AKAP6: variants seen among roughly 807,000 people sequenced by gnomAD.
AKAP6 encodes the protein A-kinase anchoring protein 6.
Under a neutral mutation model 188.5 loss-of-function variants are expected in AKAP6, and 58 were observed. The observed-to-expected ratio is 0.31, with a 90% CI of 0.25 to 0.38. The LOEUF (loss-of-function observed/expected upper bound fraction) is 0.38, where lower values mean the gene tolerates loss of function less well. Among genes scored for constraint, AKAP6 ranks in the 10% least tolerant of loss-of-function variants. The pLI is 1.00. For missense variants in AKAP6, 2,710 were observed against 2,740.0 expected (o/e 0.99, Z 0.24); for synonymous variants, 989 against 998.6 (o/e 0.99, Z 0.18).
chr14:32,624,903 G>A (rs547953383), intron 7 of AKAP6, among the ~76,000 whole-genome samples: 1 of 151,976 alleles, frequency 6.6e-6, no homozygotes, highest in Non-Finnish European at 1.5e-5. Flanking sequence ...AAAACAAGTA[G>A]AATAATAAAC....
chr14:32,390,260 A>AT (rs771949872), intron 1 of AKAP6, among the ~76,000 whole-genome samples: 2 of 152,016 alleles, frequency 1.3e-5, no homozygotes, highest in African/African-American at 2.4e-5. Context: ...TTCTTGCAGC[A>AT]TTTTTTGGAT....
intron 1 of AKAP6, among the ~76,000 whole-genome samples, chr14:32,420,567 T>C (rs1002308399): frequency 6.6e-6 from 1 of 152,184 alleles, no homozygotes; most frequent in African/African-American, 2.4e-5. Flanking sequence ...TTATAATTAT[T>C]ATTGTGTGCT....
At chr14:32,330,973 G>T (rs1450398992) in intron 1 of AKAP6, among the ~76,000 whole-genome samples, 1 of 151,926 alleles carries the variant, frequency 6.6e-6, no homozygotes. Context: ...GTCATATAAT[G>T]TGAGCAGAAA....
intron 2 of AKAP6, among the ~76,000 whole-genome samples, chr14:32,471,860 G>A (rs888382684): frequency 1.3e-5 from 2 of 152,144 alleles, no homozygotes; most frequent in African/African-American, 4.8e-5. Context: ...CACAGATAAC[G>A]CAGCGTGTTA....
intron 2 of AKAP6, among the ~76,000 whole-genome samples, chr14:32,438,270 T>C (rs1890454068): frequency 6.6e-6 from 1 of 151,938 alleles, no homozygotes; most frequent in Non-Finnish European, 1.5e-5. Context: ...GGAAAGTCTG[T>C]TCTTCTTCTG....
At position 32,830,098 on chromosome 14, in the gene AKAP6, CCT is replaced by C. The variant is rs949577900; in HGVS notation, c.*301_*302del. On this transcript the variant is annotated 3_prime_UTR_variant, in exon 14 of 14. Transcript: ENST00000280979. The stretch of plus-strand genomic sequence containing the variant: ...CCTGTCCCAAGCTACCTCTACCAAC[CCT>C]CTCTCTCCAGCTAGACTTTTCTCTT... The C allele has an allele frequency of 1.1e-4, 67 of 624,716 alleles. No individual in the cohort carries two copies. The African/African-American group carries it at 1.1e-3, about 10-fold the overall frequency. 38.7% of individuals were successfully genotyped at this position (624,716 alleles called of 1,614,324 possible).
intron 3 of AKAP6, among the ~76,000 whole-genome samples, chr14:32,540,863 T>G (rs1882915088): frequency 6.7e-6 from 1 of 149,548 alleles, no homozygotes; most frequent in Non-Finnish European, 1.5e-5. Flanking sequence ...TGCTTTGTTT[T>G]TTTTTTCAGG....
rs972313381 is a variant in AKAP6, at chr14:32,738,491, A to G, written c.3372+2609A>G. On this transcript the variant is annotated intron_variant, in intron 11 of 13. Coordinates refer to ENST00000280979, the MANE Select transcript of AKAP6 (RefSeq NM_004274.5). ...ATGATTAATAACCGAAATCTGCTTT[A>G]ATAATTTAAATTTGACCAAGCACTT... 2.6e-5 allele frequency among the ~76,000 whole-genome samples: 4 copies of G among 152,196 alleles called. No individual in the cohort carries two copies. The South Asian group carries it at 8.3e-4, about 31-fold the overall frequency.
intron 2 of AKAP6, among the ~76,000 whole-genome samples, chr14:32,510,422 ATACATATATATATG>A (rs1881154015): frequency 4.5e-5 from 4 of 88,696 alleles, no homozygotes; most frequent in East Asian, 5.2e-4. Flanking sequence ...ATGTATATAT[ATACATATATATATG>A]TGTATATATA....
intron 2 of AKAP6, among the ~76,000 whole-genome samples, chr14:32,476,423 A>G (rs1879069014): frequency 6.6e-6 from 1 of 152,234 alleles, no homozygotes; most frequent in South Asian, 2.1e-4. Context: ...CTACTTGGAC[A>G]TAAGTAAACA....
intron 1 of AKAP6, among the ~76,000 whole-genome samples, chr14:32,351,875 C>G (rs974074430): frequency 6.6e-6 from 1 of 152,062 alleles, no homozygotes; most frequent in African/African-American, 2.4e-5. Context: ...GATCTCAGAT[C>G]CAAATAAATT....
intron 12 of AKAP6, among the ~76,000 whole-genome samples, chr14:32,806,538 G>A (rs1359492215): frequency 1.3e-5 from 2 of 152,178 alleles, no homozygotes; most frequent in Non-Finnish European, 2.9e-5. Flanking sequence ...TTAACCAGGG[G>A]CGCTGGTGTG....
chr14:32,675,992 A>G (rs1468868846), intron 7 of AKAP6, among the ~76,000 whole-genome samples: 1 of 152,168 alleles, frequency 6.6e-6, no homozygotes. Context: ...AGTGGCACAC[A>G]TTTGTGAGGT....
intron 2 of AKAP6, among the ~76,000 whole-genome samples, chr14:32,510,396 A>ATATATATGTGTATATATATATGTG (rs1881134403): frequency 1.2e-5 from 1 of 82,428 alleles, no homozygotes; most frequent in Non-Finnish European, 2.4e-5. Context: ...ATATATGTGT[A>ATATATATGTGTATATATATATGTG]TATATATGTA....
intron 12 of AKAP6, among the ~76,000 whole-genome samples, chr14:32,797,925 G>GGAA (rs772130586): frequency 3.9e-5 from 5 of 128,096 alleles, no homozygotes; most frequent in East Asian, 2.3e-4. Flanking sequence ...CTTCTGCACA[G>GGAA]AAAAAAAAAA....
intron 8 of AKAP6, among the ~76,000 whole-genome samples, chr14:32,680,561 A>G (rs1430891052): frequency 1.3e-5 from 2 of 152,170 alleles, no homozygotes; most frequent in Non-Finnish European, 2.9e-5. Context: ...CATATATCCA[A>G]TACACTAAAG....
intron 1 of AKAP6, among the ~76,000 whole-genome samples, chr14:32,410,386 A>G (rs1468319228): frequency 6.6e-6 from 1 of 152,142 alleles, no homozygotes; most frequent in African/African-American, 2.4e-5. Context: ...ATTTAAATTT[A>G]CCTATATCCT....
intron 1 of AKAP6, among the ~76,000 whole-genome samples, chr14:32,333,617 G>A (rs1055164092): frequency 6.6e-6 from 1 of 152,054 alleles, no homozygotes; most frequent in East Asian, 1.9e-4. Flanking sequence ...TATATGTGGA[G>A]GTAAACTTAC....
At chr14:32,666,313 T>G (rs1034557724) in intron 7 of AKAP6, among the ~76,000 whole-genome samples, 1 of 152,062 alleles carries the variant, frequency 6.6e-6, no homozygotes, top group African/African-American at 2.4e-5. Flanking sequence ...TATTTTCTCC[T>G]TTTTAAATAT....
Sources: allele counts gnomAD v4.1 joint callset (sites outside exome capture counted in the v4.1 genomes callset), GRCh38; gene constraint gnomAD v4.1.1; transcripts MANE v1.5; gene names NCBI Gene and HGNC (gene_info 2026-07-23, HGNC 2026-07-21).